PCDHA8: variants seen among roughly 807,000 people sequenced by gnomAD.
PCDHA8 encodes protocadherin alpha 8.
PCDHA8 carries 53 observed loss-of-function variants against 61.8 expected under a neutral mutation model. That is an observed-to-expected ratio of 0.86 (90% CI 0.69 to 1.08). PCDHA8 has a LOEUF of 1.08. PCDHA8 is among the 50% of genes least tolerant of loss of function. PCDHA8 has a pLI of 0.00. For missense variants in PCDHA8, 1,293 were observed against 1,245.0 expected (o/e 1.04, Z -0.58); for synonymous variants, 618 against 556.6 (o/e 1.11, Z -1.55).
chr5:140,990,895 G>A (rs550774822), intron 3 of PCDHA8, among the ~76,000 whole-genome samples: 15 of 152,284 alleles, frequency 9.9e-5, no homozygotes, highest in Non-Finnish European at 1.9e-4. Flanking sequence ...GTGGGTCGTT[G>A]CTGGGTCAAG....
intron 1 of PCDHA8, chr5:140,857,941 T>C (rs1294613928): frequency 6.3e-7 from 1 of 1,597,330 alleles, no homozygotes; most frequent in Non-Finnish European, 8.6e-7. Flanking sequence ...GCGAGATCAG[T>C]ACGACGCGCG....
At chr5:140,877,048 G>T (rs376952553) in intron 1 of PCDHA8, 1 of 1,612,676 alleles carries the variant, frequency 6.2e-7, no homozygotes, top group Non-Finnish European at 8.5e-7. Flanking sequence ...GCTAGACCAC[G>T]AGGAGCTGGA....
intron 1 of PCDHA8, among the ~76,000 whole-genome samples, chr5:140,901,408 T>A (rs2068650771): frequency 6.6e-6 from 1 of 152,190 alleles, no homozygotes; most frequent in African/African-American, 2.4e-5. Flanking sequence ...GAGATAGGGG[T>A]CTAGTTTCAT....
In PCDHA8 at chr5:141,006,011, G is replaced by A. The variant is rs146101776; in HGVS notation, c.2543-3616G>A. Among the ~76,000 whole-genome samples the A allele has an allele frequency of 2.7e-3, 408 of 151,544 alleles. 2 individuals carry two copies. Among genetic ancestry groups the A allele is most frequent in the African/African-American group, 8.8e-3 (365 of 41,422 alleles). Reference sequence around the variant, plus strand: ...GAGGATCTGAAAGAAGGCCTGTATGGTTGGAGTATAATAGTAAGAGGGAGA... The same window carrying A: ...GAGGATCTGAAAGAAGGCCTGTATGATTGGAGTATAATAGTAAGAGGGAGA... On this transcript the variant is annotated intron_variant, in intron 3 of 3. Coordinates refer to ENST00000531613, the MANE Select transcript of PCDHA8 (RefSeq NM_018911.3).
rs2150476991 is a variant in PCDHA8 at position 140,850,274 on chromosome 5, G to T, written c.2394+6559G>T. Reference sequence around the variant, plus strand: ...TGGGCGCCGGCGTAGTGGTGGGGAAGGTGCGCGCAGTGGACGCCGACTCGG... The same window carrying T: ...TGGGCGCCGGCGTAGTGGTGGGGAATGTGCGCGCAGTGGACGCCGACTCGG... On this transcript the variant is annotated intron_variant, in intron 1 of 3. Coordinates refer to ENST00000531613, the MANE Select transcript of PCDHA8 (RefSeq NM_018911.3). The T allele has an allele frequency of 3.8e-6, 6 of 1,595,442 alleles. 1 individual carries two copies. In the African/African-American group the frequency reaches 4.0e-5, roughly 11 times the overall value.
intron 1 of PCDHA8, chr5:140,882,459 T>G (rs782544853): frequency 6.2e-7 from 1 of 1,613,996 alleles, no homozygotes; most frequent in South Asian, 1.1e-5. Context: ...CCGCGCCTGT[T>G]CCGGGTGGCG....
At chr5:140,908,844 C>T (rs533219921) in intron 1 of PCDHA8, among the ~76,000 whole-genome samples, 2 of 152,272 alleles carry the variant, frequency 1.3e-5, no homozygotes, top group African/African-American at 4.8e-5. Context: ...GCTGGAGTAA[C>T]ATACCCAAAT....
chr5:140,877,408 C>A, intron 1 of PCDHA8: 1 of 1,613,924 alleles, frequency 6.2e-7, no homozygotes, highest in South Asian at 1.1e-5. Context: ...TCCGCGCCAC[C>A]GCCTGCTGGT....
intron 1 of PCDHA8, chr5:140,929,269 A>G (rs138062218): frequency 3.0e-5 from 49 of 1,611,106 alleles, no homozygotes; most frequent in African/African-American, 5.3e-5. Context: ...GAATTTGCCA[A>G]TATCCTGTAT....
intron 1 of PCDHA8, chr5:140,869,717 C>A: frequency 6.2e-7 from 1 of 1,613,364 alleles, no homozygotes. Context: ...AGAGAGAAAA[C>A]TCCGGAACTT....
chr5:140,985,901 G>A (rs995663051), intron 3 of PCDHA8, among the ~76,000 whole-genome samples: 3 of 151,818 alleles, frequency 2.0e-5, no homozygotes, highest in Non-Finnish European at 2.9e-5. Flanking sequence ...CACCACTCCC[G>A]TCTAATTTTT....
rs2150315881 is a variant in PCDHA8, at chr5:140,841,456, G to T, written c.135G>T (p.Val45=). ...AGGAGGCCAAACACGGCACCTTCGT[G>T]GGCCGGATCGCGCAGGACCTGGGGC... The part of the protein sequence containing the change: ...VPEEAKHGTF[V]GRIAQDLGLE... Residue 45 remains valine (V), a synonymous_variant, in exon 1 of 4, where the codon GTG becomes GTT. Transcript: ENST00000531613. 6.2e-7 allele frequency: 1 copy of T among 1,612,922 alleles called. No homozygotes were observed. Among genetic ancestry groups the T allele is most frequent in the South Asian group, 1.1e-5 (1 of 91,022 alleles).
rs1554149566 is a variant in PCDHA8 at position 140,857,139 on chromosome 5, T to C, written c.2394+13424T>C. ...CTCCCAGTGAAAGAAGATGCTCAAG[T>C]GGGCACCGTCATTGCCCTAATCAGC... On this transcript the variant is annotated intron_variant, in intron 1 of 3. Transcript: ENST00000531613. 4 of 1,598,152 alleles carry C rather than the reference T, an allele frequency of 2.5e-6. 1 individual carries two copies. The highest frequency in any genetic ancestry group is 1.7e-5 in the Admixed American group (1 of 59,246).
chr5:140,991,003 A>C (rs1228444549), intron 3 of PCDHA8, among the ~76,000 whole-genome samples: 1 of 152,190 alleles, frequency 6.6e-6, no homozygotes, highest in East Asian at 1.9e-4. Flanking sequence ...ATTTATTGAG[A>C]ACTGTGATAA....
rs1777620025 is a variant in PCDHA8, at chr5:140,841,974, G to A, written c.653G>A (p.Gly218Asp). 6.2e-7 allele frequency: 1 copy of A among 1,613,872 alleles called. No individual in the cohort carries two copies. Among genetic ancestry groups the A allele is most frequent in the South Asian group, 1.1e-5 (1 of 91,078 alleles). ...HHLFLTATDG[G>D]KPELTGTVQL... is the part of the protein sequence containing the mutation. The stretch of plus-strand genomic sequence containing the variant: ...TTATTCCTGACAGCCACAGATGGGG[G>A]CAAACCTGAGCTCACAGGCACTGTT... Residue 218 changes from glycine to aspartate, a missense_variant, in exon 1 of 4, where the codon GGC becomes GAC. Physicochemically the swap from Gly to Asp is moderately conservative, Grantham distance 94. Transcript: ENST00000531613.
At chr5:140,856,372 C>T in intron 1 of PCDHA8, 3 of 1,598,462 alleles carry the variant, frequency 1.9e-6, no homozygotes, top group Non-Finnish European at 2.6e-6. Context: ...TGGAGGTGAT[C>T]GTGGACAGGC....
At chr5:140,962,546 G>A (rs2095690873) in intron 1 of PCDHA8, among the ~76,000 whole-genome samples, 7 of 152,094 alleles carry the variant, frequency 4.6e-5, no homozygotes, top group Admixed American at 4.6e-4. Flanking sequence ...TAAAAATGTA[G>A]AGGATCTCCC....
In PCDHA8 at chr5:140,978,971, G is replaced by C. The variant is rs782774245; in HGVS notation, c.2417G>C (p.Trp806Ser). Residue 806 changes from tryptophan (W) to serine (S), a missense_variant, in exon 2 of 4, where the codon TGG (tryptophan) becomes TCG (serine). Trp to Ser is a radical substitution (Grantham distance 177). Transcript: ENST00000531613. ...CAGCCACGACAGCCCAACCCTGACT[G>C]GCGTTACTCTGCCTCCCTGAGAGCA... is the stretch of plus-strand genomic sequence containing the variant. ...GLKPRQPNPD[W>S]RYSASLRAGM... 6.2e-7 allele frequency: 1 copy of C among 1,614,170 alleles called. No homozygotes were observed. The highest frequency in any genetic ancestry group is 2.2e-5 in the East Asian group (1 of 44,882).
intron 1 of PCDHA8, chr5:140,968,074 C>T (rs781940696): frequency 1.2e-6 from 2 of 1,614,020 alleles, no homozygotes; most frequent in African/African-American, 1.3e-5. Context: ...CTGTCTACAA[C>T]ATCACGGTGA....
Sources: allele counts gnomAD v4.1 joint callset (sites outside exome capture counted in the v4.1 genomes callset), GRCh38; gene constraint gnomAD v4.1.1; transcripts MANE v1.5; gene names NCBI Gene and HGNC (gene_info 2026-07-23, HGNC 2026-07-21).